Variants in MTAP observed in about 807,000 individuals in gnomAD.
MTAP encodes methylthioadenosine phosphorylase, also known as S-methyl-5'-thioadenosine phosphorylase.
Under a neutral mutation model 33.6 loss-of-function variants are expected in MTAP, and 33 were observed. That is an observed-to-expected ratio of 0.98 (90% CI 0.74 to 1.31). The LOEUF (loss-of-function observed/expected upper bound fraction) is 1.31, where lower values mean the gene tolerates loss of function less well. Ranked by LOEUF, MTAP falls within the 40% of genes most tolerant of loss-of-function variation. The pLI is 0.00. For missense variants in MTAP, 367 were observed against 360.0 expected, an observed-to-expected ratio of 1.02 and a Z score of -0.16; for synonymous variants, 148 against 125.7, an observed-to-expected ratio of 1.18 and a Z score of -1.19.
At chr9:21,853,139 A>G (rs1046937957) in intron 5 of MTAP, among the ~76,000 whole-genome samples, 1 of 152,106 alleles carries the variant, frequency 6.6e-6, no homozygotes, top group Non-Finnish European at 1.5e-5. Flanking sequence ...CATGGTACCT[A>G]TCTCCCAAAG....
intron 5 of MTAP, among the ~76,000 whole-genome samples, chr9:21,844,893 A>G (rs543365846): frequency 2.2e-4 from 34 of 152,236 alleles, no homozygotes; most frequent in Non-Finnish European, 4.1e-4. Context: ...TTAGCCGGGC[A>G]TGGTAGCGGG....
chr9:21,852,970 A>G (rs969123861), intron 5 of MTAP, among the ~76,000 whole-genome samples: 1 of 152,204 alleles, frequency 6.6e-6, no homozygotes, highest in African/African-American at 2.4e-5. Context: ...ACGAGGTAAG[A>G]AAATGAAATC....
At chr9:21,843,533 A>T (rs550075575) in intron 5 of MTAP, among the ~76,000 whole-genome samples, 1 of 152,332 alleles carries the variant, frequency 6.6e-6, no homozygotes, top group East Asian at 1.9e-4. Flanking sequence ...GAAAATCAAA[A>T]TTATATCAAG....
Position 21,907,700 on chromosome 9 carries a change from C to G in MTAP, c.148-23308C>G, listed in dbSNP as rs187390167. Among the ~76,000 whole-genome samples the G allele has an allele frequency of 2.2e-4, 33 of 151,694 alleles. 1 individual carries two copies. In the East Asian group the frequency reaches 6.4e-3, roughly 29 times the overall value. ...TTTTTTTTTACTACAAAAGTAATTC[C>G]TGGTGGTCATAGAAAATCTGAAAGA... On this transcript the variant is annotated intron_variant, in intron 1 of 1. Coordinates refer to the MTAP transcript ENST00000577563.
downstream of MTAP, among the ~76,000 whole-genome samples, chr9:21,869,335 A>G (rs569483913): frequency 6.6e-6 from 1 of 152,220 alleles, no homozygotes; most frequent in South Asian, 2.1e-4. Context: ...TTTCACACTT[A>G]ACCCTTAGTT....
intron 1 of MTAP, among the ~76,000 whole-genome samples, chr9:21,895,634 C>T (rs1587281400): frequency 6.6e-6 from 1 of 152,188 alleles, no homozygotes; most frequent in Non-Finnish European, 1.5e-5. Flanking sequence ...TTCCAATGAC[C>T]TTGGCAAACG....
Position 21,904,390 on chromosome 9 carries a change from C to A in MTAP, c.148-26618C>A, listed in dbSNP as rs548078081. ...TTGGGGTGGAGCCCTAGCCAGGGAC[C>A]ACGACCTCCTCCTCTACCCAGCATT... On this transcript the variant is annotated intron_variant, in intron 1 of 1. Transcript: ENST00000577563. Among the ~76,000 whole-genome samples, 153 of 152,290 alleles carry A rather than the reference C, an allele frequency of 1.0e-3. 1 individual carries two copies. Among genetic ancestry groups the A allele is most frequent in the African/African-American group, 3.6e-3 (151 of 41,568 alleles).
At chr9:21,802,869 G>A (rs928067867) in intron 1 of MTAP, 88 bp downstream of exon 1, 1 of 1,552,498 alleles carries the variant, frequency 6.4e-7, no homozygotes, top group Admixed American at 2.0e-5. Context: ...CGGGGGCCAT[G>A]CGCCCGGCCC....
intron 1 of MTAP, among the ~76,000 whole-genome samples, chr9:21,897,432 A>T (rs1407984969): frequency 6.6e-6 from 1 of 152,236 alleles, no homozygotes; most frequent in African/African-American, 2.4e-5. Flanking sequence ...GAAAAGAGGA[A>T]GTCAAATTGT....
chr9:21,820,108 T>C (rs1448193210), intron 4 of MTAP, among the ~76,000 whole-genome samples: 3 of 152,180 alleles, frequency 2.0e-5, no homozygotes, highest in Admixed American at 6.5e-5. Context: ...TTCACTCTGA[T>C]GGTAGTTTCT....
At chr9:21,851,764 G>A (rs1263248392) in intron 5 of MTAP, among the ~76,000 whole-genome samples, 1 of 152,144 alleles carries the variant, frequency 6.6e-6, no homozygotes, top group African/African-American at 2.4e-5. Flanking sequence ...ATCTGGGTGG[G>A]TACAATCTAA....
intron 1 of MTAP, among the ~76,000 whole-genome samples, chr9:21,804,434 G>A (rs1187481823): frequency 6.6e-6 from 1 of 152,168 alleles, no homozygotes; most frequent in Admixed American, 6.5e-5. Flanking sequence ...TGCAGAATGG[G>A]CAATGGGATT....
At chr9:21,934,119 T>G (rs1554650493), downstream of MTAP, 1 of 152,164 alleles carries the variant, frequency 6.6e-6, no homozygotes, top group Non-Finnish European at 1.5e-5. The surrounding 1 kb of genome is among the most constrained non-coding windows in gnomAD (Gnocchi z 5.0). Context: ...AAAAGGGAAG[T>G]GACATACAGA....
In MTAP at chr9:21,865,029, T is replaced by C. The variant is rs972900180; in HGVS notation, c.*3015T>C. 3.0e-6 allele frequency: 3 copies of C among 985,358 alleles called. No individual in the cohort carries two copies. The African/African-American group carries it at 5.2e-5, about 17-fold the overall frequency. 61.0% of individuals were successfully genotyped at this position (985,358 alleles called of 1,614,324 possible). Reference sequence around the variant, plus strand: ...AAGGAGTATCTGATGGGTTAGGAAGTCACGAAATGAGGAGTTCTTGCCACA... The same window carrying C: ...AAGGAGTATCTGATGGGTTAGGAAGCCACGAAATGAGGAGTTCTTGCCACA... On this transcript the variant is annotated 3_prime_UTR_variant, in exon 8 of 8. Transcript: ENST00000644715.
At chr9:21,899,494 A>T (rs542614245) in intron 1 of MTAP, among the ~76,000 whole-genome samples, 1 of 152,042 alleles carries the variant, frequency 6.6e-6, no homozygotes, top group Non-Finnish European at 1.5e-5. Context: ...GTAATTTATA[A>T]AGGAGAGAGG....
downstream of MTAP, among the ~76,000 whole-genome samples, chr9:21,938,928 G>A (rs1314587651): frequency 1.3e-5 from 2 of 152,176 alleles, no homozygotes; most frequent in South Asian, 2.1e-4. Flanking sequence ...AGATCAAGTA[G>A]AAGAAAAATT....
In MTAP at chr9:21,862,909, G is replaced by C; in HGVS notation, c.*895G>C. ...TTTCTACAGTGAATTTAATCAAATA[G>C]TAAAGTTGTTGTAAAAATAAAAGTG... On this transcript the variant is annotated 3_prime_UTR_variant, in exon 8 of 8. Coordinates refer to ENST00000644715, the MANE Select transcript of MTAP (RefSeq NM_002451.4). 2.1e-6 allele frequency: 2 copies of C among 961,966 alleles called. No individual in the cohort carries two copies. Among genetic ancestry groups the C allele is most frequent in the South Asian group, 9.7e-5 (2 of 20,696 alleles). 59.6% of individuals were successfully genotyped at this position (961,966 alleles called of 1,614,324 possible). A position where few individuals can be genotyped will look rare whatever the true frequency, so the allele number is the denominator to read the frequency against.
At chr9:21,891,081 A>T (rs570950344) in intron 1 of MTAP, among the ~76,000 whole-genome samples, 1 of 152,196 alleles carries the variant, frequency 6.6e-6, no homozygotes, top group Admixed American at 6.5e-5. Context: ...AAAGAAGGTT[A>T]TCTGGCCATA....
downstream of MTAP, among the ~76,000 whole-genome samples, chr9:21,870,233 A>T (rs1825916993): frequency 6.6e-6 from 1 of 152,232 alleles, no homozygotes; most frequent in South Asian, 2.1e-4. Context: ...TTACAAGCAC[A>T]GCTTTTTTGT....
Sources: allele counts gnomAD v4.1 joint callset (sites outside exome capture counted in the v4.1 genomes callset), GRCh38; gene constraint gnomAD v4.1.1; non-coding constraint Gnocchi (gnomAD v3.1); transcripts MANE v1.5; gene names NCBI Gene and HGNC (gene_info 2026-07-23, HGNC 2026-07-21).